Variants in RANBP2 observed in about 807,000 individuals in gnomAD.
RANBP2 encodes E3 SUMO-protein ligase RanBP2.
A neutral mutation model predicts 303.6 loss-of-function variants in RANBP2; 57 were observed. That is an observed-to-expected ratio of 0.19 (90% CI 0.15 to 0.23). RANBP2 has a LOEUF of 0.23. Ranked by LOEUF, RANBP2 falls within the 10% of genes least tolerant of loss-of-function variation. RANBP2 has a pLI of 1.00. For synonymous variants in RANBP2, 1,167 were observed against 1,301.5 expected, an observed-to-expected ratio of 0.90 and a Z score of 2.23; for missense variants, 3,138 against 3,780.8, an observed-to-expected ratio of 0.83 and a Z score of 4.46.
the RANBP2 span, among the ~76,000 whole-genome samples, chr2:109,150,557 A>G: frequency 6.6e-6 from 1 of 152,218 alleles, no homozygotes; most frequent in Non-Finnish European, 1.5e-5. Flanking sequence ...GATAGGTGCT[A>G]TGATTACCCC....
the RANBP2 span, among the ~76,000 whole-genome samples, chr2:109,642,160 G>A: frequency 3.6e-4 from 54 of 152,062 alleles, no homozygotes; most frequent in Non-Finnish European, 6.2e-4. Flanking sequence ...ACTCCTGACC[G>A]TGTTATCCAC....
the RANBP2 span, among the ~76,000 whole-genome samples, chr2:109,264,017 ACACTCCAGAAGC>A: frequency 6.6e-6 from 1 of 152,194 alleles, no homozygotes; most frequent in African/African-American, 2.4e-5. Context: ...CCTGGTCAGG[ACACTCCAGAAGC>A]CCTACATGGT....
chr2:108,914,589 A>G, the RANBP2 span, among the ~76,000 whole-genome samples: 1 of 152,196 alleles, frequency 6.6e-6, no homozygotes, highest in African/African-American at 2.4e-5. Flanking sequence ...ACATTCCACC[A>G]CAGAAGAGAC....
At chr2:108,988,444 C>T in the RANBP2 span, among the ~76,000 whole-genome samples, 1 of 152,166 alleles carries the variant, frequency 6.6e-6, no homozygotes, top group Non-Finnish European at 1.5e-5. Context: ...TTCTCTCCCT[C>T]TCCCCGCTCC....
chr2:109,262,558 T>C, the RANBP2 span, among the ~76,000 whole-genome samples: 1 of 152,226 alleles, frequency 6.6e-6, no homozygotes, highest in African/African-American at 2.4e-5. Context: ...TCTTGTTTTA[T>C]TATTTTACGT....
the RANBP2 span, among the ~76,000 whole-genome samples, chr2:108,848,207 T>C: frequency 6.6e-6 from 1 of 152,214 alleles, no homozygotes; most frequent in African/African-American, 2.4e-5. Context: ...CATTATATCA[T>C]TTAATAACAT....
the RANBP2 span, chr2:109,613,884 TC>T: frequency 8.2e-7 from 1 of 1,218,910 alleles, no homozygotes; most frequent in South Asian, 4.1e-5. Context: ...GAGCGGCTGG[TC>T]CCGGCGACGG....
At chr2:108,892,959 A>G in the RANBP2 span, among the ~76,000 whole-genome samples, 4 of 152,230 alleles carry the variant, frequency 2.6e-5, no homozygotes, top group African/African-American at 9.6e-5. Context: ...TCTAGTAGCC[A>G]TCTTTGTCTG....
the RANBP2 span, among the ~76,000 whole-genome samples, chr2:108,941,216 A>G: frequency 6.6e-6 from 1 of 152,200 alleles, no homozygotes; most frequent in Non-Finnish European, 1.5e-5. Context: ...GTAAACCACA[A>G]TGTTTCTCCA....
At chr2:109,095,078 CT>C in the RANBP2 span, among the ~76,000 whole-genome samples, 1 of 152,182 alleles carries the variant, frequency 6.6e-6, no homozygotes, top group African/African-American at 2.4e-5. Flanking sequence ...TCATAAACTG[CT>C]TCCTTGACTT....
chr2:108,876,402 T>C, the RANBP2 span: 1 of 485,174 alleles, frequency 2.1e-6, no homozygotes, highest in Admixed American at 3.6e-5. Context: ...AAAAATGAAA[T>C]CTGTAGAAGG....
At chr2:109,642,656 T>TAAAAA in the RANBP2 span, among the ~76,000 whole-genome samples, 8 of 137,828 alleles carry the variant, frequency 5.8e-5, no homozygotes, top group African/African-American at 1.6e-4. Context: ...CCATCTCAAA[T>TAAAAA]AAAAAAAAAA....
the RANBP2 span, among the ~76,000 whole-genome samples, chr2:109,000,264 T>C: frequency 3.3e-5 from 5 of 152,192 alleles, no homozygotes; most frequent in Admixed American, 2.6e-4. Flanking sequence ...CGGTGGCTCA[T>C]GTCTGTAATC....
chr2:108,746,689 T>G (rs949677381), intron 7 of RANBP2, 22 bp from the exon 8 acceptor site: 9 of 996,110 alleles, frequency 9.0e-6, no homozygotes, highest in Non-Finnish European at 1.3e-5. Context: ...CAAATTAAGA[T>G]TTTTGATTCT....
At chr2:109,499,760 G>T in the RANBP2 span, among the ~76,000 whole-genome samples, 3,705 of 152,260 alleles carry the variant, frequency 0.024, 140 homozygotes, top group African/African-American at 0.082. Context: ...AGAGCAGGGG[G>T]GTGTGTGTGT....
At chr2:108,903,571 C>G in the RANBP2 span, among the ~76,000 whole-genome samples, 13 of 152,186 alleles carry the variant, frequency 8.5e-5, no homozygotes, top group Non-Finnish European at 1.5e-4. Flanking sequence ...TGCAACAGAA[C>G]AGCAACCCCA....
the RANBP2 span, among the ~76,000 whole-genome samples, chr2:109,256,975 A>T: frequency 6.6e-6 from 1 of 152,154 alleles, no homozygotes. Flanking sequence ...GGAGGGAGTT[A>T]TTCCGCCTCT....
the RANBP2 span, chr2:109,130,172 TG>T: frequency 8.0e-7 from 1 of 1,248,248 alleles, no homozygotes; most frequent in Non-Finnish European, 1.0e-6. Flanking sequence ...GGTGGGTGCT[TG>T]GGCGTGGGGG....
the RANBP2 span, among the ~76,000 whole-genome samples, chr2:109,411,677 C>T: frequency 2.0e-5 from 3 of 152,136 alleles, no homozygotes; most frequent in Non-Finnish European, 4.4e-5. Flanking sequence ...GGATGTCCCT[C>T]GCACCCCTCG....
Sources: gnomAD v4.1 joint callset for allele counts (sites outside exome capture counted in the v4.1 genomes callset) on GRCh38, gnomAD v4.1.1 for gene constraint, MANE v1.5 for transcripts, NCBI Gene and HGNC (gene_info 2026-07-23, HGNC 2026-07-21) for gene names.